The following PHC3 variants were observed in gnomAD, a reference collection of about 807,000 sequenced individuals.
PHC3 encodes the protein polyhomeotic homolog 3, also known as polyhomeotic-like protein 3.
Under a neutral mutation model 107.4 loss-of-function variants are expected in PHC3, and 13 were observed. The ratio of observed to expected loss-of-function variants is 0.12; its 90% confidence interval spans 0.08 to 0.19. PHC3 has a LOEUF of 0.19. Ranked by LOEUF, PHC3 falls within the 10% of genes least tolerant of loss-of-function variation. PHC3 has a pLI of 1.00. For synonymous variants in PHC3, 456 were observed against 427.4 expected (o/e 1.07, Z -0.83); for missense variants, 992 against 1,210.9 (o/e 0.82, Z 2.68).
chr3:170,142,507 C>T (rs1203212930), intron 6 of PHC3, among the ~76,000 whole-genome samples: 1 of 151,016 alleles, frequency 6.6e-6, no homozygotes, highest in East Asian at 1.9e-4. Context: ...ATGTTTTATA[C>T]ACTAAAGATA....
Position 170,102,051 on chromosome 3 carries a change from G to A in PHC3, c.2833+428C>T, listed in dbSNP as rs1440616010. ...AAGGTTTTGATTAGCTTTCAAAAAT[G>A]TAAAAAAAAGAAAAAAGTCTCTCTT... On this transcript the variant is annotated intron_variant, in intron 14 of 14. Transcript: ENST00000495893. 5 of 804,688 alleles carry A rather than the reference G, an allele frequency of 6.2e-6. No homozygotes were observed. The African/African-American group carries it at 9.4e-5, about 15-fold the overall frequency. The allele number at this position is 804,688 out of a possible 1,614,324, so 49.8% of individuals were successfully genotyped here. A position where few individuals can be genotyped will look rare whatever the true frequency, so the allele number is the denominator to read the frequency against.
At chr3:170,104,667 A>G (rs1716131587) in intron 12 of PHC3, among the ~76,000 whole-genome samples, 1 of 152,202 alleles carries the variant, frequency 6.6e-6, no homozygotes, top group Non-Finnish European at 1.5e-5. Context: ...TGACACCAAA[A>G]CAAATTCTCC....
chr3:170,091,817 T>A lies in PHC3; in HGVS notation c.*5413A>T, dbSNP rs1333519067. The A allele has an allele frequency of 1.3e-5, 2 of 152,130 alleles. No individual in the cohort carries two copies. Among genetic ancestry groups the A allele is most frequent in the African/African-American group, 2.4e-5 (1 of 41,450 alleles). 9.4% of individuals were successfully genotyped at this position (152,130 alleles called of 1,614,324 possible). On this transcript the variant is annotated 3_prime_UTR_variant, in exon 15 of 15. Coordinates refer to ENST00000495893, the MANE Select transcript of PHC3 (RefSeq NM_024947.4). ...TCTCATAGTACAATTTTAAAACGGA[T>A]TAGGTTCTAAAAACTAATATGTAAA...
At position 170,089,216 on chromosome 3, in the gene PHC3, T is replaced by C. The variant is rs1713820263; in HGVS notation, c.*8014A>G. ...ACAATGATAAACTATTTTTAATAGA[T>C]ATTTTCATTCTATATCTTTATGGAG... On this transcript the variant is annotated 3_prime_UTR_variant, in exon 15 of 15. Coordinates refer to ENST00000495893, the MANE Select transcript of PHC3 (RefSeq NM_024947.4). 1 of 152,176 alleles carries C rather than the reference T, an allele frequency of 6.6e-6. No individual in the cohort carries two copies. The highest frequency in any genetic ancestry group is 1.5e-5 in the Non-Finnish European group (1 of 68,016). 9.4% of individuals were successfully genotyped at this position (152,176 alleles called of 1,614,324 possible). A position where few individuals can be genotyped will look rare whatever the true frequency, so the allele number is the denominator to read the frequency against.
rs750634471 is a variant in PHC3 at position 170,102,569 on chromosome 3, G to A, written c.2743C>T (p.Pro915Ser). ...ACTGGTAGCAAGTCACTGTTCTCAG[G>A]CATTTTCCGAATTCTCACATCCCGA... ...ELRDVRIRKM[P>S]ENSDLLPVAQ... is the part of the protein sequence containing the mutation. The change falls in exon 14 of 15, where the codon CCT becomes TCT. Residue 915 changes from proline to serine, a missense_variant. By Grantham distance (74) the Pro-to-Ser change is moderately conservative (BLOSUM62 -1). This residue lies in a region of PHC3 where 228 missense variants were observed against 288.8 expected (regional missense o/e 0.79). Transcript: ENST00000495893. The A allele has an allele frequency of 4.3e-6, 7 of 1,613,842 alleles. No individual in the cohort carries two copies. In the Admixed American group the frequency reaches 1.2e-4, roughly 27 times the overall value.
Position 170,096,695 on chromosome 3 carries a change from C to T in PHC3, c.*535G>A, listed in dbSNP as rs554149711. 1.3e-5 allele frequency: 2 copies of T among 152,344 alleles called. No homozygotes were observed. Among genetic ancestry groups the T allele is most frequent in the East Asian group, 1.9e-4 (1 of 5,188 alleles). 9.4% of individuals were successfully genotyped at this position (152,344 alleles called of 1,614,324 possible). ...GATCAGTATTGTTCATACTAGAACACAATTCCTTTTTTATAGATAAAGCAT... is the reference window on the plus strand; with the variant it reads ...GATCAGTATTGTTCATACTAGAACATAATTCCTTTTTTATAGATAAAGCAT... On this transcript the variant is annotated 3_prime_UTR_variant, in exon 15 of 15. Coordinates refer to ENST00000495893, the MANE Select transcript of PHC3 (RefSeq NM_024947.4).
intron 4 of PHC3, among the ~76,000 whole-genome samples, chr3:170,162,401 G>C (rs1351296319): frequency 1.3e-5 from 2 of 151,986 alleles, no homozygotes; most frequent in Non-Finnish European, 2.9e-5. Context: ...ACCTCCTTTA[G>C]CTCCCAATTT....
chr3:170,110,810 C>T (rs1317692792), intron 11 of PHC3, among the ~76,000 whole-genome samples: 1 of 152,120 alleles, frequency 6.6e-6, no homozygotes, highest in South Asian at 2.1e-4. Context: ...GTAAAGTTTC[C>T]TAAGCAGATT....
chr3:170,126,528 A>ATTTTTTTTTT (rs1553788612), intron 8 of PHC3, among the ~76,000 whole-genome samples: 1 of 90,638 alleles, frequency 1.1e-5, no homozygotes, highest in African/African-American at 4.5e-5. Context: ...ATATATATAT[A>ATTTTTTTTTT]TTTTTTTTTT....
At chr3:170,135,868 ATAAAG>A (rs1251616263) in intron 7 of PHC3, among the ~76,000 whole-genome samples, 1 of 152,184 alleles carries the variant, frequency 6.6e-6, no homozygotes, top group African/African-American at 2.4e-5. Context: ...GATTATCTGG[ATAAAG>A]TAAAGGAAGC....
chr3:170,145,148 G>A (rs1002196257), intron 6 of PHC3, among the ~76,000 whole-genome samples: 2 of 152,210 alleles, frequency 1.3e-5, no homozygotes, highest in African/African-American at 4.8e-5. Context: ...TCTGCTTTAT[G>A]AGAAAACTAA....
intron 10 of PHC3, among the ~76,000 whole-genome samples, chr3:170,115,860 T>C (rs977499895): frequency 8.9e-5 from 13 of 145,472 alleles, no homozygotes; most frequent in African/African-American, 3.1e-4. Context: ...AGAATTGTTA[T>C]AGGAAATCCA....
At chr3:170,180,429 A>G (rs1427062362) in intron 1 of PHC3, among the ~76,000 whole-genome samples, 1 of 152,168 alleles carries the variant, frequency 6.6e-6, no homozygotes, top group African/African-American at 2.4e-5. Context: ...AGCCTGGGAG[A>G]TAAGAGTGAG....
chr3:170,145,569 T>G (rs1724802190), intron 5 of PHC3, 48 bp from the exon 6 acceptor site: 1 of 1,357,798 alleles, frequency 7.4e-7, no homozygotes, highest in Admixed American at 1.8e-5. Context: ...AAAGAACATG[T>G]CCCACACACA....
chr3:170,128,621 G>A, intron 8 of PHC3, 63 bp downstream of exon 8: 1 of 1,527,382 alleles, frequency 6.5e-7, no homozygotes. Flanking sequence ...AAAACATAGT[G>A]TGGGAAAAAA....
At chr3:170,117,158 T>A in intron 10 of PHC3, 68 bp downstream of exon 10, 2 of 1,573,776 alleles carry the variant, frequency 1.3e-6, no homozygotes, top group East Asian at 2.2e-5. Context: ...TAGAGAACAG[T>A]AATATGTAAC....
At chr3:170,117,046 G>T in intron 10 of PHC3, 180 bp downstream of exon 10, 2 of 758,026 alleles carry the variant, frequency 2.6e-6, no homozygotes, top group Non-Finnish European at 4.0e-6. Flanking sequence ...AAACTTAGCT[G>T]GCATAAAATT....
At chr3:170,159,251 CAAAAAAAA>C (rs1278767405) in intron 4 of PHC3, among the ~76,000 whole-genome samples, 9 of 69,580 alleles carry the variant, frequency 1.3e-4, no homozygotes, top group Admixed American at 5.0e-4. Flanking sequence ...GACTCGGTCT[CAAAAAAAA>C]AAAAAAAAAA....
chr3:170,161,124 A>G (rs1000148931), intron 4 of PHC3, among the ~76,000 whole-genome samples: 7 of 152,220 alleles, frequency 4.6e-5, no homozygotes, highest in African/African-American at 1.7e-4. Context: ...GTATTTTTAT[A>G]ACACATACAA....
Sources: gnomAD v4.1 joint callset for allele counts (sites outside exome capture counted in the v4.1 genomes callset) on GRCh38, gnomAD v4.1.1 for gene constraint, gnomAD v4.1.1 regional missense constraint, MANE v1.5 for transcripts, NCBI Gene and HGNC (gene_info 2026-07-23, HGNC 2026-07-21) for gene names.